ARG2: variants seen among roughly 807,000 people sequenced by gnomAD.
ARG2 encodes arginase-2, mitochondrial.
In ARG2, 21 loss-of-function variants were observed where a neutral mutation model predicts 39.4. The observed-to-expected ratio is 0.53, with a 90% CI of 0.38 to 0.77. The LOEUF is 0.77. Among genes scored for constraint, ARG2 ranks in the 30% least tolerant of loss-of-function variants. ARG2 has a pLI of 0.00. For missense variants in ARG2, 378 were observed against 426.2 expected (o/e 0.89, Z 1.00); for synonymous variants, 150 against 156.7 (o/e 0.96, Z 0.32).
chr14:67,633,852 C>A (rs931325104), intron 2 of ARG2, among the ~76,000 whole-genome samples: 11 of 152,206 alleles, frequency 7.2e-5, no homozygotes, highest in African/African-American at 2.7e-4. Context: ...CTCTCTTATT[C>A]CTGGCTAATG....
chr14:67,641,408 T>C (rs984525977), intron 2 of ARG2, among the ~76,000 whole-genome samples: 1 of 152,326 alleles, frequency 6.6e-6, no homozygotes, highest in South Asian at 2.1e-4. Flanking sequence ...ATGGCCTAGA[T>C]TTGGATCCTG....
Position 67,647,022 on chromosome 14 carries a change from G to C in ARG2, c.719G>C (p.Gly240Ala). Residue 240 changes from glycine to alanine, a missense_variant, in exon 6 of 8, where the codon GGC becomes GCC. By Grantham distance (60) the Gly-to-Ala change is moderately conservative. Coordinates refer to ENST00000261783, the MANE Select transcript of ARG2 (RefSeq NM_001172.4). ...GAACGAACATTTGATCTGCTGATTG[G>C]CAAGTAAGTAACTATAACTGATGTC... ...VMERTFDLLI[G>A]KRQRPIHLSF... 1 of 1,602,748 alleles carries C rather than the reference G, an allele frequency of 6.2e-7. No homozygotes were observed. Among genetic ancestry groups the C allele is most frequent in the Non-Finnish European group, 8.5e-7 (1 of 1,170,332 alleles).
At chr14:67,621,694 C>T (rs546928705) in intron 2 of ARG2, among the ~76,000 whole-genome samples, 2 of 151,712 alleles carry the variant, frequency 1.3e-5, no homozygotes, top group African/African-American at 4.8e-5. Context: ...ATCCGCCCAC[C>T]TCAGCTTCCC....
intron 2 of ARG2, 119 bp from the exon 3 acceptor site, chr14:67,642,067 T>G: frequency 9.8e-7 from 1 of 1,021,004 alleles, no homozygotes; most frequent in Non-Finnish European, 1.4e-6. Flanking sequence ...ATTTTAAATT[T>G]TACTGTGACA....
At chr14:67,647,937 T>C (rs548306614) in intron 6 of ARG2, 110 bp from the exon 7 acceptor site, 1 of 1,063,424 alleles carries the variant, frequency 9.4e-7, no homozygotes, top group African/African-American at 1.6e-5. Context: ...AACAAAGTAC[T>C]AGGACTAATA....
chr14:67,646,751 AT>A lies in ARG2; in HGVS notation c.617+16del. The A allele has an allele frequency of 1.3e-6, 2 of 1,599,852 alleles. No homozygotes were observed. Among genetic ancestry groups the A allele is most frequent in the Non-Finnish European group, 1.7e-6 (2 of 1,167,350 alleles). On this transcript the variant is annotated intron_variant, in intron 5 of 7. Transcript: ENST00000261783. ...ACCCTCCTGAACAGTAAGTTGATGC[AT>A]TTGGCTGAAGTTTAGGGCCTGTCCT...
chr14:67,625,602 C>A (rs140913950), intron 2 of ARG2, among the ~76,000 whole-genome samples: 1,734 of 148,784 alleles, frequency 0.012, 22 homozygotes, highest in Non-Finnish European at 0.019. Context: ...ATTGCTTGAA[C>A]CTGGGAGGCG....
chr14:67,644,997 T>TAAAA (rs558540535), intron 3 of ARG2, among the ~76,000 whole-genome samples: 1 of 132,432 alleles, frequency 7.6e-6, no homozygotes, highest in Non-Finnish European at 1.6e-5. Flanking sequence ...GACTCCGTCT[T>TAAAA]AAAAAAAAAA....
chr14:67,634,430 CAAA>C (rs574075570), intron 2 of ARG2, among the ~76,000 whole-genome samples: 7 of 114,446 alleles, frequency 6.1e-5, no homozygotes, highest in Admixed American at 8.9e-5. Context: ...CTATCTCTAC[CAAA>C]AAAAAAAAAA....
intron 2 of ARG2, among the ~76,000 whole-genome samples, chr14:67,630,371 T>C (rs1022249849): frequency 1.3e-5 from 2 of 152,292 alleles, no homozygotes; most frequent in African/African-American, 4.8e-5. Context: ...TCTTATCTGG[T>C]GCTACTGGCA....
intron 2 of ARG2, among the ~76,000 whole-genome samples, chr14:67,639,119 GTC>G (rs1209119399): frequency 6.6e-6 from 1 of 152,216 alleles, no homozygotes; most frequent in Non-Finnish European, 1.5e-5. Flanking sequence ...ATGAAATTCA[GTC>G]TCTCTTCCTG....
chr14:67,650,830 G>C lies in ARG2; in HGVS notation c.975G>C (p.Gln325His), dbSNP rs771327205. 8.7e-6 allele frequency: 14 copies of C among 1,614,188 alleles called. No homozygotes were observed. Among genetic ancestry groups the C allele is most frequent in the Middle Eastern group, 1.6e-4 (1 of 6,062 alleles). The change falls in exon 8 of 8, where the codon CAG becomes CAC. Residue 325 changes from glutamine (Q) to histidine (H), a missense_variant. By Grantham distance (24) the Gln-to-His change is conservative. Coordinates refer to ENST00000261783, the MANE Select transcript of ARG2 (RefSeq NM_001172.4). ...ATGTGATTGCTTCAAGCTTTGGTCA[G>C]ACAAGAGAAGGAGGGCATATTGTCT... ...AVDVIASSFGQTREGGHIVYD... is the reference protein window; with the variant it reads ...AVDVIASSFGHTREGGHIVYD...
At chr14:67,625,045 G>A (rs887344242) in intron 2 of ARG2, among the ~76,000 whole-genome samples, 5 of 152,056 alleles carry the variant, frequency 3.3e-5, no homozygotes, top group Non-Finnish European at 7.4e-5. Flanking sequence ...TGACTGGTCT[G>A]ATGGTTTCCT....
chr14:67,637,410 C>CAAAAAAAAA (rs34746542), intron 2 of ARG2, among the ~76,000 whole-genome samples: 1 of 103,620 alleles, frequency 9.7e-6, no homozygotes, highest in Non-Finnish European at 1.8e-5. Context: ...GACTCTGTCT[C>CAAAAAAAAA]AAAAAAAAAA....
chr14:67,620,871 T>G (rs755157930), intron 1 of ARG2, 23 bp from the exon 2 acceptor site: 4 of 1,613,658 alleles, frequency 2.5e-6, no homozygotes, highest in Non-Finnish European at 2.5e-6. Flanking sequence ...TACCTCTAAT[T>G]GTGTAATTTG....
chr14:67,623,970 A>G (rs1244982896), intron 2 of ARG2, among the ~76,000 whole-genome samples: 2 of 152,162 alleles, frequency 1.3e-5, no homozygotes, highest in African/African-American at 2.4e-5. Context: ...CCTCTTGAGT[A>G]GCTGGGACTA....
chr14:67,646,020 A>G (rs1022755748), intron 4 of ARG2, among the ~76,000 whole-genome samples: 1 of 152,234 alleles, frequency 6.6e-6, no homozygotes, highest in Non-Finnish European at 1.5e-5. Context: ...AGGGGGTAGT[A>G]ACAATAGCGA....
Position 67,650,892 on chromosome 14 carries a change from C to G in ARG2, c.1037C>G (p.Ser346Ter). The G allele has an allele frequency of 1.2e-6, 2 of 1,614,048 alleles. No homozygotes were observed. Among genetic ancestry groups the G allele is most frequent in the Non-Finnish European group, 1.7e-6 (2 of 1,179,952 alleles). The change falls in exon 8 of 8, where the codon TCA becomes TGA. Residue 346 changes from serine (S) to a stop codon, truncating the protein, a stop_gained. Transcript: ENST00000261783. LOFTEE classifies it high-confidence loss of function. The stretch of plus-strand genomic sequence containing the variant: ...CCTACTCCCAGTTCACCAGATGAAT[C>G]AGAAAATCAAGCACGTGTGAGAATT... ...QLPTPSSPDESENQARVRI is the reference protein window; with the variant it reads ...QLPTPSSPDE
chr14:67,637,429 AAAAAG>A lies in ARG2; in HGVS notation c.185-4754_185-4750del, dbSNP rs1249199240. Reference sequence around the variant, plus strand: ...CTGTCTCAAAAAAAAAAAAAAAAAAAAAAAGAACTTTAATATTACTCAGTTCATCC... The same window carrying A: ...CTGTCTCAAAAAAAAAAAAAAAAAAAAACTTTAATATTACTCAGTTCATCC... On this transcript the variant is annotated intron_variant, in intron 2 of 7. Coordinates refer to ENST00000261783, the MANE Select transcript of ARG2 (RefSeq NM_001172.4). Among the ~76,000 whole-genome samples, 3 of 150,656 alleles carry A rather than the reference AAAAAG, an allele frequency of 2.0e-5. No individual in the cohort carries two copies. In the Admixed American group the frequency reaches 2.0e-4, roughly 10 times the overall value.
Sources: allele counts gnomAD v4.1 joint callset (sites outside exome capture counted in the v4.1 genomes callset), GRCh38; gene constraint gnomAD v4.1.1; transcripts MANE v1.5; gene names NCBI Gene and HGNC (gene_info 2026-07-23, HGNC 2026-07-21).